SEPTIN6: variants seen among roughly 807,000 people sequenced by gnomAD.
SEPTIN6 encodes the protein septin 6.
In SEPTIN6, 8 loss-of-function variants were observed where a neutral mutation model predicts 33.6. The observed-to-expected ratio is 0.24, with a 90% CI of 0.14 to 0.43. The LOEUF (loss-of-function observed/expected upper bound fraction) is 0.43. SEPTIN6 is among the 20% of genes least tolerant of loss of function. The pLI is 1.00. For synonymous variants in SEPTIN6, 131 were observed against 140.0 expected (o/e 0.94, Z 0.45); for missense variants, 250 against 340.8 (o/e 0.73, Z 2.10).
At chrX:119,649,889 T>C in intron 5 of SEPTIN6, 48 bp downstream of exon 5, 1 of 1,152,656 alleles carries the variant, frequency 8.7e-7, no homozygotes, top group Non-Finnish European at 1.2e-6. Flanking sequence ...ATTAAAATAA[T>C]GATAATCATC....
intron 8 of SEPTIN6, among the ~76,000 whole-genome samples, chrX:119,630,761 C>T (rs902235862): frequency 9.0e-5 from 10 of 110,758 alleles, no homozygotes; most frequent in South Asian, 7.7e-4. Context: ...GGCGTGGTGA[C>T]GCTTGCCTAT....
At chrX:119,669,135 G>T (rs182366126) in intron 2 of SEPTIN6, among the ~76,000 whole-genome samples, 1 of 113,091 alleles carries the variant, frequency 8.8e-6, no homozygotes, top group East Asian at 2.7e-4. Context: ...CTAGTCCAAG[G>T]TCACAAACTA....
chrX:119,619,609 G>A lies in SEPTIN6; in HGVS notation c.*484C>T. ...CTGAGGATGAGGGTGGGGTGGACCA[G>A]GGAGGACTAGTGACTGGGATACAGG... On this transcript the variant is annotated 3_prime_UTR_variant, in exon 11 of 11. Coordinates refer to ENST00000394610, the MANE Select transcript of SEPTIN6 (RefSeq NM_145799.4). 1 of 831,207 alleles carries A rather than the reference G, an allele frequency of 1.2e-6. No individual in the cohort carries two copies. The highest frequency in any genetic ancestry group is 1.5e-6 in the Non-Finnish European group (1 of 687,686). The allele number at this position is 831,207 out of a possible 1,213,427, so 68.5% of individuals were successfully genotyped here. A position where few individuals can be genotyped will look rare whatever the true frequency, so the allele number is the denominator to read the frequency against.
chrX:119,681,774 T>G (rs2147645561), intron 1 of SEPTIN6, among the ~76,000 whole-genome samples: 1 of 112,149 alleles, frequency 8.9e-6, no homozygotes, highest in Admixed American at 9.5e-5. Flanking sequence ...AGTTATTACA[T>G]GACTGTAATC....
At chrX:119,683,940 CTTT>C (rs533602254) in intron 1 of SEPTIN6, among the ~76,000 whole-genome samples, 7 of 94,292 alleles carry the variant, frequency 7.4e-5, no homozygotes, top group Admixed American at 2.3e-4. Flanking sequence ...ATTATAACTT[CTTT>C]TTTTTTTTTT....
chrX:119,625,723 A>T (rs1001268423), intron 9 of SEPTIN6, among the ~76,000 whole-genome samples: 10 of 109,660 alleles, frequency 9.1e-5, no homozygotes, highest in Non-Finnish European at 1.3e-4. Context: ...TTATTTATTT[A>T]TTTTTTTTGT....
intron 1 of SEPTIN6, among the ~76,000 whole-genome samples, chrX:119,689,526 G>A (rs958018889): frequency 5.4e-5 from 6 of 111,687 alleles, no homozygotes; most frequent in Admixed American, 1.9e-4. Flanking sequence ...CCACTCTGTC[G>A]CCCAGGCTGG....
intron 5 of SEPTIN6, among the ~76,000 whole-genome samples, chrX:119,644,959 G>A (rs1569427233): frequency 9.4e-6 from 1 of 106,470 alleles, no homozygotes; most frequent in Non-Finnish European, 1.9e-5. Flanking sequence ...CCAGGCTGGA[G>A]TGCAATGGCA....
intron 5 of SEPTIN6, among the ~76,000 whole-genome samples, chrX:119,644,021 C>T (rs905671901): frequency 2.7e-5 from 3 of 111,429 alleles, no homozygotes; most frequent in East Asian, 2.8e-4. Flanking sequence ...CGCACCACCA[C>T]GGACCATACT....
chrX:119,634,606 C>G lies in SEPTIN6; in HGVS notation c.957-1114G>C, dbSNP rs148536775. On this transcript the variant is annotated intron_variant, in intron 7 of 10. Transcript: ENST00000394610. ...TATTTAAAAATTGGATATGTACACA[C>G]TGCATGGTTTTAAAGCAGGAAGTAG... 2.9e-3 allele frequency among the ~76,000 whole-genome samples: 317 copies of G among 111,017 alleles called. 3 individuals carry two copies. Among genetic ancestry groups the G allele is most frequent in the African/African-American group, 9.5e-3 (291 of 30,568 alleles).
At chrX:119,620,777 C>T (rs370167847) in intron 10 of SEPTIN6, among the ~76,000 whole-genome samples, 4 of 110,098 alleles carry the variant, frequency 3.6e-5, no homozygotes, top group Non-Finnish European at 7.6e-5. Context: ...CCTGCCACCA[C>T]GCTCGGCTAA....
At chrX:119,647,483 C>CTCTCTTTTTTTT (rs376139472) in intron 5 of SEPTIN6, among the ~76,000 whole-genome samples, 10 of 74,409 alleles carry the variant, frequency 1.3e-4, no homozygotes, top group African/African-American at 6.1e-4. Flanking sequence ...TTCTCTCTCT[C>CTCTCTTTTTTTT]TTTTTTTTTT....
chrX:119,662,476 G>A (rs1276949241), intron 3 of SEPTIN6, among the ~76,000 whole-genome samples: 2 of 111,822 alleles, frequency 1.8e-5, no homozygotes, highest in African/African-American at 6.5e-5. Context: ...CCCACACCAA[G>A]TGCCTACCAA....
intron 7 of SEPTIN6, among the ~76,000 whole-genome samples, chrX:119,635,293 T>C (rs2054044368): frequency 9.0e-6 from 1 of 110,661 alleles, no homozygotes; most frequent in Non-Finnish European, 1.9e-5. Flanking sequence ...ACATCCAGGA[T>C]GCAGTTGGAT....
chrX:119,622,679 C>T (rs190168387), intron 10 of SEPTIN6, among the ~76,000 whole-genome samples: 13 of 112,565 alleles, frequency 1.2e-4, no homozygotes. Flanking sequence ...AACCTGTAAG[C>T]AACTGTGTCA....
At chrX:119,645,675 G>A (rs1018472877) in intron 5 of SEPTIN6, among the ~76,000 whole-genome samples, 2 of 111,622 alleles carry the variant, frequency 1.8e-5, no homozygotes, top group Admixed American at 1.9e-4. Context: ...GGGATTACAG[G>A]TATGAGCCAC....
intron 2 of SEPTIN6, among the ~76,000 whole-genome samples, chrX:119,664,822 G>A (rs1418106672): frequency 4.5e-5 from 4 of 88,849 alleles, no homozygotes; most frequent in African/African-American, 1.8e-4. Context: ...CCCTGGGCAA[G>A]AGAGTGAGAC....
chrX:119,663,522 TA>T lies in SEPTIN6; in HGVS notation c.300del (p.Ser101AlafsTer34). 1 of 1,098,340 alleles carries T rather than the reference TA, an allele frequency of 9.1e-7. No individual in the cohort carries two copies. The highest frequency in any genetic ancestry group is 1.2e-6 in the Non-Finnish European group (1 of 826,623). The allele number at this position is 1,098,340 out of a possible 1,213,427, so 90.5% of individuals were successfully genotyped here. On this transcript the variant is annotated frameshift_variant, in exon 3 of 11. Transcript: ENST00000394610. LOFTEE classifies it high-confidence loss of function. ...ESNVRLKLTI[V>X]STVGFGDQIN... is the part of the protein sequence containing the mutation. ...ATCTGGTCCCCAAAGCCAACTGTGC[TA>T]ACGATCGTGAGCTTTAGCCTCACGT... is the stretch of plus-strand genomic sequence containing the variant.
At chrX:119,653,695 C>A (rs148272403) in intron 3 of SEPTIN6, among the ~76,000 whole-genome samples, 1 of 112,511 alleles carries the variant, frequency 8.9e-6, no homozygotes, top group East Asian at 2.8e-4. Context: ...CTCATTCTCG[C>A]TAGGTTTAGC....
Sources: gnomAD v4.1 joint callset for allele counts (sites outside exome capture counted in the v4.1 genomes callset) on GRCh38, gnomAD v4.1.1 for gene constraint, MANE v1.5 for transcripts, NCBI Gene and HGNC (gene_info 2026-07-23, HGNC 2026-07-21) for gene names.